The following TMEM132D variants were observed in gnomAD, a reference collection of about 807,000 sequenced individuals.
TMEM132D encodes mature OL transmembrane protein.
A neutral mutation model predicts 62.3 loss-of-function variants in TMEM132D; 21 were observed. The ratio of observed to expected loss-of-function variants is 0.34; its 90% CI spans 0.24 to 0.49. TMEM132D has a LOEUF of 0.49. Among genes scored for constraint, TMEM132D ranks in the 20% least tolerant of loss-of-function variants. The pLI, the probability that TMEM132D is intolerant of heterozygous loss-of-function variation, is 0.99. For synonymous variants in TMEM132D, 621 were observed against 575.6 expected (o/e 1.08, Z -1.13); for missense variants, 1,346 against 1,402.8 (o/e 0.96, Z 0.65).
chr12:129,704,402 CAG>C (rs1484644070), intron 1 of TMEM132D, among the ~76,000 whole-genome samples: 1 of 152,230 alleles, frequency 6.6e-6, no homozygotes, highest in Non-Finnish European at 1.5e-5. Flanking sequence ...TCAGCTGAAT[CAG>C]AGACCCAAGC....
At chr12:129,896,832 GGGA>G (rs1458710207) in intron 1 of TMEM132D, among the ~76,000 whole-genome samples, 1 of 152,070 alleles carries the variant, frequency 6.6e-6, no homozygotes, top group African/African-American at 2.4e-5. Context: ...TACTTCTTAA[GGGA>G]GGAGAAGTGG....
chr12:129,504,230 T>C (rs1268128643), intron 3 of TMEM132D, among the ~76,000 whole-genome samples: 1 of 152,156 alleles, frequency 6.6e-6, no homozygotes, highest in Non-Finnish European at 1.5e-5. Flanking sequence ...TTCCAAAGTT[T>C]CCATACCTCC....
chr12:129,507,968 A>T (rs995327789), intron 3 of TMEM132D, among the ~76,000 whole-genome samples: 1 of 152,172 alleles, frequency 6.6e-6, no homozygotes, highest in Non-Finnish European at 1.5e-5. Flanking sequence ...TCAACTCAGC[A>T]TCATGGCCTG....
At chr12:129,877,161 T>G (rs1375454971) in intron 1 of TMEM132D, among the ~76,000 whole-genome samples, 2 of 23,940 alleles carry the variant, frequency 8.4e-5, no homozygotes, top group Non-Finnish European at 4.1e-4. Context: ...AGTTTAACTA[T>G]GAATATTATA....
intron 6 of TMEM132D, among the ~76,000 whole-genome samples, chr12:129,083,592 C>T (rs1874520908): frequency 6.6e-6 from 1 of 152,176 alleles, no homozygotes; most frequent in Non-Finnish European, 1.5e-5. Flanking sequence ...TTGAAGCATC[C>T]CCTCTCCCAG....
At chr12:129,337,441 G>GCGCGCACACA (rs56091765) in intron 4 of TMEM132D, among the ~76,000 whole-genome samples, 193 bp downstream of exon 4, 2 of 148,112 alleles carry the variant, frequency 1.4e-5, no homozygotes, top group Admixed American at 1.3e-4. Context: ...ATACACACAC[G>GCGCGCACACA]CACACACACA....
chr12:129,897,850 C>A (rs1786968616), intron 1 of TMEM132D, among the ~76,000 whole-genome samples: 1 of 152,318 alleles, frequency 6.6e-6, no homozygotes, highest in African/African-American at 2.4e-5. Flanking sequence ...CAGCCCCTGG[C>A]AAGCCTGGCA....
chr12:129,076,081 G>GC (rs975495913), intron 8 of TMEM132D, among the ~76,000 whole-genome samples: 2 of 139,916 alleles, frequency 1.4e-5, no homozygotes, highest in Admixed American at 6.9e-5. Context: ...TGCTGAGCCA[G>GC]CCAGCATTAC....
chr12:129,260,503 G>A (rs1458711296), intron 4 of TMEM132D, among the ~76,000 whole-genome samples: 2 of 152,136 alleles, frequency 1.3e-5, no homozygotes, highest in Non-Finnish European at 2.9e-5. Flanking sequence ...GGGATCTAAG[G>A]AGATTTAATT....
At chr12:129,788,757 T>C (rs1871313929) in intron 1 of TMEM132D, among the ~76,000 whole-genome samples, 1 of 152,118 alleles carries the variant, frequency 6.6e-6, no homozygotes, top group Non-Finnish European at 1.5e-5. Context: ...CACTGGTCTC[T>C]GCTCTCGGGG....
At chr12:129,806,438 C>T (rs867289736) in intron 1 of TMEM132D, among the ~76,000 whole-genome samples, 1,712 of 128,906 alleles carry the variant, frequency 0.013, 38 homozygotes, top group African/African-American at 0.045. Context: ...TAAACTATCG[C>T]AAGAACAAAA....
At chr12:129,618,114 G>C (rs998643475) in intron 2 of TMEM132D, among the ~76,000 whole-genome samples, 1 of 152,124 alleles carries the variant, frequency 6.6e-6, no homozygotes, top group Non-Finnish European at 1.5e-5. Context: ...AGAGCCTGGA[G>C]GCGTAAAATT....
At chr12:129,643,283 T>A (rs958053945) in intron 2 of TMEM132D, among the ~76,000 whole-genome samples, 5 of 152,174 alleles carry the variant, frequency 3.3e-5, no homozygotes, top group Admixed American at 2.6e-4. Flanking sequence ...CTATGCTATA[T>A]TGTGGCCCCA....
At chr12:129,159,276 G>A (rs1877330392) in intron 5 of TMEM132D, among the ~76,000 whole-genome samples, 1 of 152,162 alleles carries the variant, frequency 6.6e-6, no homozygotes, top group South Asian at 2.1e-4. Flanking sequence ...GATTAGAAGG[G>A]ACCACATGAG....
chr12:129,753,031 G>T (rs1246718983), intron 1 of TMEM132D, among the ~76,000 whole-genome samples: 1 of 152,194 alleles, frequency 6.6e-6, no homozygotes, highest in Non-Finnish European at 1.5e-5. Context: ...ACGGATTTTA[G>T]TACAGTTTCA....
intron 5 of TMEM132D, among the ~76,000 whole-genome samples, chr12:129,133,698 T>A (rs1022746119): frequency 6.6e-6 from 1 of 152,258 alleles, no homozygotes; most frequent in Non-Finnish European, 1.5e-5. Context: ...TGCTTTCCAC[T>A]ATTTAGCCCA....
intron 1 of TMEM132D, among the ~76,000 whole-genome samples, chr12:129,811,964 T>G (rs552232971): frequency 6.6e-6 from 1 of 151,694 alleles, no homozygotes; most frequent in Non-Finnish European, 1.5e-5. Context: ...GACACATATA[T>G]TTCAACCTCG....
At chr12:129,298,958 C>T (rs1253802812) in intron 4 of TMEM132D, among the ~76,000 whole-genome samples, 1 of 152,184 alleles carries the variant, frequency 6.6e-6, no homozygotes, top group Non-Finnish European at 1.5e-5. Context: ...AGGGCTTTTG[C>T]CATTCAAAAC....
intron 2 of TMEM132D, among the ~76,000 whole-genome samples, chr12:129,629,309 T>G (rs1426812959): frequency 1.3e-5 from 2 of 152,230 alleles, no homozygotes; most frequent in African/African-American, 2.4e-5. Context: ...TGCTCCCTGG[T>G]GGCACTTTCC....
Sources: gnomAD v4.1 joint callset for allele counts (sites outside exome capture counted in the v4.1 genomes callset) on GRCh38, gnomAD v4.1.1 for gene constraint, MANE v1.5 for transcripts, NCBI Gene and HGNC (gene_info 2026-07-23, HGNC 2026-07-21) for gene names.